IMMP2L: variants seen among roughly 807,000 people sequenced by gnomAD.
The protein encoded by IMMP2L is mitochondrial inner membrane protease subunit 2.
Under a neutral mutation model 19.3 loss-of-function variants are expected in IMMP2L, and 18 were observed. The observed-to-expected ratio is 0.93, with a 90% confidence interval of 0.64 to 1.38. The LOEUF (loss-of-function observed/expected upper bound fraction) is 1.38. Ranked by LOEUF, IMMP2L falls within the 40% of genes most tolerant of loss-of-function variation. The pLI is 0.00. For synonymous variants in IMMP2L, 76 were observed against 73.0 expected (o/e 1.04, Z -0.21); for missense variants, 233 against 218.2 (o/e 1.07, Z -0.43).
chr7:111,141,737 T>C (rs1226127035), intron 3 of IMMP2L, among the ~76,000 whole-genome samples: 1 of 144,632 alleles, frequency 6.9e-6, no homozygotes, highest in Non-Finnish European at 1.5e-5. Context: ...TTCATTCGTT[T>C]GTTTGTTTGT....
chr7:111,429,999 A>C (rs1836468951), intron 3 of IMMP2L, among the ~76,000 whole-genome samples: 1 of 151,890 alleles, frequency 6.6e-6, no homozygotes, highest in African/African-American at 2.4e-5. Context: ...GTTTCTGAGC[A>C]AGAATGATCA....
intron 3 of IMMP2L, among the ~76,000 whole-genome samples, chr7:111,273,801 G>T (rs1044518510): frequency 3.3e-5 from 5 of 152,098 alleles, no homozygotes; most frequent in African/African-American, 1.2e-4. Context: ...ATGTTTGGCT[G>T]GAGCATAGTG....
intron 3 of IMMP2L, among the ~76,000 whole-genome samples, chr7:111,105,710 T>C (rs1388896956): frequency 1.4e-4 from 22 of 151,882 alleles, no homozygotes; most frequent in Non-Finnish European, 7.4e-5. Flanking sequence ...TTGCTCTCTG[T>C]TGTTTGCATT....
intron 3 of IMMP2L, among the ~76,000 whole-genome samples, chr7:111,232,373 GTTTT>G (rs373241535): frequency 7.5e-6 from 1 of 133,192 alleles, no homozygotes. Flanking sequence ...ATTTTGGAGG[GTTTT>G]TTTTTTTTTT....
chr7:110,941,873 G>C (rs1171327634), intron 4 of IMMP2L, among the ~76,000 whole-genome samples: 2 of 150,612 alleles, frequency 1.3e-5, no homozygotes, highest in Non-Finnish European at 2.9e-5. Context: ...GGGCTTTTTT[G>C]TTCTTCCTCC....
intron 5 of IMMP2L, among the ~76,000 whole-genome samples, chr7:110,704,854 T>C (rs1584557492): frequency 6.6e-6 from 1 of 152,198 alleles, no homozygotes; most frequent in South Asian, 2.1e-4. Flanking sequence ...TGTCTAATAC[T>C]ACCCCTCATT....
At chr7:111,173,933 T>C (rs1225887221) in intron 3 of IMMP2L, among the ~76,000 whole-genome samples, 1 of 151,734 alleles carries the variant, frequency 6.6e-6, no homozygotes, top group African/African-American at 2.4e-5. Context: ...TACAGTGAAG[T>C]TAAATATATT....
chr7:111,054,646 T>G (rs1793327523), intron 3 of IMMP2L, among the ~76,000 whole-genome samples: 1 of 152,200 alleles, frequency 6.6e-6, no homozygotes. Context: ...CGATCAGAAA[T>G]GCCTTCTTCA....
rs1480466655 is a variant in IMMP2L, at chr7:111,100,138, T to A, written c.240-136573A>T. ...TTCCTTAGCATGTATTTCTTTTTTT[T>A]AAATTTCAATAGCTTTTTGGGAAAC... On this transcript the variant is annotated intron_variant, in intron 3 of 5. Transcript: ENST00000405709. Among the ~76,000 whole-genome samples the A allele has an allele frequency of 5.3e-5, 8 of 151,744 alleles. No individual in the cohort carries two copies. The East Asian group carries it at 5.8e-4, about 11-fold the overall frequency.
intron 3 of IMMP2L, among the ~76,000 whole-genome samples, chr7:110,976,325 T>A (rs1028936670): frequency 6.6e-6 from 1 of 152,024 alleles, no homozygotes; most frequent in African/African-American, 2.4e-5. Flanking sequence ...TAGTATTTCA[T>A]AAAAGTGAAA....
At chr7:110,733,221 A>G (rs1796391188) in intron 5 of IMMP2L, among the ~76,000 whole-genome samples, 1 of 152,148 alleles carries the variant, frequency 6.6e-6, no homozygotes, top group Admixed American at 6.6e-5. Flanking sequence ...GTTGTCAGGG[A>G]CTGGTCTCCT....
intron 3 of IMMP2L, among the ~76,000 whole-genome samples, chr7:111,283,573 C>G (rs1820137375): frequency 6.6e-6 from 1 of 151,896 alleles, no homozygotes; most frequent in East Asian, 1.9e-4. Flanking sequence ...TCGAGGAAGA[C>G]GAGCTGGAAA....
At chr7:111,554,773 C>T (rs1244402102) in intron 1 of IMMP2L, among the ~76,000 whole-genome samples, 1 of 152,052 alleles carries the variant, frequency 6.6e-6, no homozygotes, top group African/African-American at 2.4e-5. Flanking sequence ...GCCAGCATGC[C>T]TGACTAATTT....
rs887586326 is a variant in IMMP2L, at chr7:110,760,232, A to T, written c.409-96511T>A. Among the ~76,000 whole-genome samples, 3 of 152,064 alleles carry T rather than the reference A, an allele frequency of 2.0e-5. No homozygotes were observed. Among genetic ancestry groups the T allele is most frequent in the Non-Finnish European group, 2.9e-5 (2 of 68,014 alleles). On this transcript the variant is annotated intron_variant, in intron 5 of 5. Transcript: ENST00000405709. The surrounding 1 kb of genome is among the most constrained non-coding windows in gnomAD (Gnocchi z 4.2). ...AAGATAGTATCATTCCCTTTCTATT[A>T]GTGTTTATCTGCATCTGCCTTAGAG...
intron 3 of IMMP2L, among the ~76,000 whole-genome samples, chr7:111,471,798 G>T (rs1426745047): frequency 2.6e-5 from 4 of 151,970 alleles, no homozygotes; most frequent in East Asian, 1.9e-4. Context: ...ATTCAGAAAG[G>T]TTCCATCACA....
In IMMP2L at chr7:111,516,725, T is replaced by C. The variant is rs139778464; in HGVS notation, c.135+4588A>G. On this transcript the variant is annotated intron_variant, in intron 2 of 5. Transcript: ENST00000405709. Reference sequence around the variant, plus strand: ...CTATTAATGACAGGTTACAGAACTATGTAAAAACTCATAACTCATCCTAAG... The same window carrying C: ...CTATTAATGACAGGTTACAGAACTACGTAAAAACTCATAACTCATCCTAAG... Among the ~76,000 whole-genome samples the C allele has an allele frequency of 2.1e-3, 322 of 152,222 alleles. 3 individuals carry two copies. The highest frequency in any genetic ancestry group is 7.4e-3 in the African/African-American group (306 of 41,544).
intron 3 of IMMP2L, among the ~76,000 whole-genome samples, chr7:111,104,157 C>A (rs909056371): frequency 3.3e-5 from 5 of 151,644 alleles, no homozygotes; most frequent in African/African-American, 1.2e-4. Flanking sequence ...GGATACCTTC[C>A]TTCATTCATG....
At chr7:111,288,556 A>C (rs1820745435) in intron 3 of IMMP2L, among the ~76,000 whole-genome samples, 2 of 152,162 alleles carry the variant, frequency 1.3e-5, no homozygotes, top group African/African-American at 4.8e-5. Flanking sequence ...AGAATCTACA[A>C]AGAACTTAAA....
intron 5 of IMMP2L, among the ~76,000 whole-genome samples, chr7:110,694,233 AAGAAT>A (rs1243786574): frequency 6.6e-6 from 1 of 152,196 alleles, no homozygotes; most frequent in Admixed American, 6.5e-5. Flanking sequence ...TTGGCTAAAA[AAGAAT>A]AGACTAGAAT....
Sources: allele counts gnomAD v4.1 joint callset (sites outside exome capture counted in the v4.1 genomes callset), GRCh38; gene constraint gnomAD v4.1.1; non-coding constraint Gnocchi (gnomAD v3.1); transcripts MANE v1.5; gene names NCBI Gene and HGNC (gene_info 2026-07-23, HGNC 2026-07-21).